Variants in MICU3 observed in about 807,000 individuals in gnomAD.
The protein encoded by MICU3 is mitochondrial calcium uptake 3.
In MICU3, 62 loss-of-function variants were observed where a neutral mutation model predicts 66.5. That is an observed-to-expected ratio of 0.93 (90% CI 0.76 to 1.15). The LOEUF is 1.15. Among genes scored for constraint, MICU3 ranks in the 50% most tolerant of loss-of-function variants. The pLI is 0.00. For synonymous variants in MICU3, 308 were observed against 240.7 expected (o/e 1.28, Z -2.59); for missense variants, 779 against 664.4 (o/e 1.17, Z -1.90).
intron 7 of MICU3, among the ~76,000 whole-genome samples, chr8:17,089,742 G>A (rs148614494): frequency 6.6e-6 from 1 of 152,096 alleles, no homozygotes; most frequent in African/African-American, 2.4e-5. Context: ...ATGACCACAT[G>A]TGATTGGTAT....
chr8:17,036,801 C>G (rs1349260828), intron 1 of MICU3, among the ~76,000 whole-genome samples: 7 of 152,222 alleles, frequency 4.6e-5, no homozygotes, highest in Admixed American at 4.6e-4. Context: ...CCTGCCAGTC[C>G]CGCGCCGTGC....
At chr8:17,115,519 C>A (rs772850986) in intron 12 of MICU3, among the ~76,000 whole-genome samples, 8 of 152,060 alleles carry the variant, frequency 5.3e-5, no homozygotes, top group Non-Finnish European at 1.2e-4. Flanking sequence ...GATGGTGTCA[C>A]CTGTCTTGCA....
At chr8:17,027,766 G>A (rs1425196572) in intron 1 of MICU3, 106 bp downstream of exon 1, 3 of 1,218,562 alleles carry the variant, frequency 2.5e-6, no homozygotes, top group Non-Finnish European at 2.1e-6. Flanking sequence ...GTGGCCGCGG[G>A]TGAGGAACTT....
Position 17,116,656 on chromosome 8 carries a change from A to T in MICU3, c.1524+56A>T, listed in dbSNP as rs991419385. On this transcript the variant is annotated intron_variant, in intron 13 of 14. Transcript: ENST00000318063. ...TCCTTTTTAAAGTCTGAGGGAAATCAATCCATCTAAGTTGAGAAATAATTT... is the reference window on the plus strand; with the variant it reads ...TCCTTTTTAAAGTCTGAGGGAAATCTATCCATCTAAGTTGAGAAATAATTT... The T allele has an allele frequency of 4.6e-5, 56 of 1,229,178 alleles. No homozygotes were observed. The Admixed American group carries it at 4.9e-4, about 11-fold the overall frequency. The allele number at this position is 1,229,178 out of a possible 1,614,324, so 76.1% of individuals were successfully genotyped here. A position where few individuals can be genotyped will look rare whatever the true frequency, so the allele number is the denominator to read the frequency against.
chr8:17,036,563 T>C (rs1341364202), intron 1 of MICU3, among the ~76,000 whole-genome samples: 1 of 151,894 alleles, frequency 6.6e-6, no homozygotes, highest in Non-Finnish European at 1.5e-5. Flanking sequence ...CCCCATCAGA[T>C]TAGTTAGATA....
intron 1 of MICU3, among the ~76,000 whole-genome samples, chr8:17,058,721 G>A (rs1009365408): frequency 5.3e-5 from 8 of 152,180 alleles, no homozygotes; most frequent in African/African-American, 1.9e-4. Context: ...AGTATACTCA[G>A]CAGAACTTCA....
intron 8 of MICU3, among the ~76,000 whole-genome samples, chr8:17,090,985 A>T (rs1222475568): frequency 6.6e-6 from 1 of 152,068 alleles, no homozygotes; most frequent in Non-Finnish European, 1.5e-5. Context: ...TTCAATTCTA[A>T]TAAGTGTCTT....
In MICU3 at chr8:17,105,466, C is replaced by T. The variant is rs1399223039; in HGVS notation, c.1139C>T (p.Ser380Leu). The T allele has an allele frequency of 6.3e-7, 1 of 1,575,500 alleles. No individual in the cohort carries two copies. ...EVLEIEFLSY[S>L]NGMNTISEED... ...CTAGAAATAGAATTCCTTTCCTACTCAAATGGAATGAATACCATCAGTGAA... is the reference window on the plus strand; with the variant it reads ...CTAGAAATAGAATTCCTTTCCTACTTAAATGGAATGAATACCATCAGTGAA... Residue 380 changes from serine (S) to leucine (L), a missense_variant, in exon 11 of 15, where the codon TCA (serine) becomes TTA (leucine). Transcript: ENST00000318063.
intron 1 of MICU3, among the ~76,000 whole-genome samples, chr8:17,053,598 A>T (rs1816451913): frequency 1.3e-5 from 2 of 152,192 alleles, no homozygotes; most frequent in Non-Finnish European, 2.9e-5. Context: ...GAGGTAATTT[A>T]AAAATGAAAC....
At chr8:17,091,697 T>G (rs1039625770) in intron 8 of MICU3, among the ~76,000 whole-genome samples, 2 of 152,108 alleles carry the variant, frequency 1.3e-5, no homozygotes, top group African/African-American at 4.8e-5. Flanking sequence ...CAAGATACTT[T>G]AAATTTTTTC....
At chr8:17,101,583 C>T (rs1385805899) in intron 9 of MICU3, among the ~76,000 whole-genome samples, 7 of 151,684 alleles carry the variant, frequency 4.6e-5, no homozygotes, top group Admixed American at 6.6e-5. Flanking sequence ...AAAAACTGGC[C>T]GAATGAGGTC....
intron 7 of MICU3, among the ~76,000 whole-genome samples, chr8:17,088,455 A>G (rs948988395): frequency 5.3e-5 from 8 of 152,014 alleles, no homozygotes; most frequent in Non-Finnish European, 1.5e-5. Context: ...TAAATAATAT[A>G]CTAAATGAGT....
At chr8:17,061,470 G>T (rs1321638372) in intron 1 of MICU3, among the ~76,000 whole-genome samples, 1 of 152,120 alleles carries the variant, frequency 6.6e-6, no homozygotes, top group Admixed American at 6.5e-5. Context: ...AGAAAGTTTG[G>T]TGAGAAAACA....
At chr8:17,093,906 A>T (rs1391243582) in intron 8 of MICU3, among the ~76,000 whole-genome samples, 1 of 152,010 alleles carries the variant, frequency 6.6e-6, no homozygotes, top group Non-Finnish European at 1.5e-5. Flanking sequence ...GTAAATATAC[A>T]ATAAAATAAA....
the MICU3 span, among the ~76,000 whole-genome samples, chr8:17,137,814 T>G: frequency 6.8e-6 from 1 of 146,388 alleles, no homozygotes; most frequent in Non-Finnish European, 1.5e-5. Context: ...ATTCCCAGAT[T>G]CAAGCAGTTC....
intron 14 of MICU3, 104 bp downstream of exon 14, chr8:17,118,879 C>A (rs1218596568): frequency 3.0e-6 from 2 of 656,422 alleles, no homozygotes; most frequent in Non-Finnish European, 4.8e-6. Context: ...ATAGAATTAT[C>A]TAATTTATTT....
intron 11 of MICU3, among the ~76,000 whole-genome samples, chr8:17,112,783 C>G (rs76068614): frequency 0.071 from 10,815 of 152,226 alleles, 566 homozygotes; most frequent in East Asian, 0.24. Flanking sequence ...CTAACAGTAG[C>G]CTGTCACTCA....
intron 11 of MICU3, among the ~76,000 whole-genome samples, chr8:17,109,963 T>G (rs1032622237): frequency 6.6e-6 from 1 of 152,114 alleles, no homozygotes; most frequent in Admixed American, 6.5e-5. Flanking sequence ...AATTTTGGAG[T>G]TTGGATTTAT....
chr8:17,047,782 A>G (rs955840157), intron 1 of MICU3, among the ~76,000 whole-genome samples: 1 of 152,252 alleles, frequency 6.6e-6, no homozygotes, highest in African/African-American at 2.4e-5. Context: ...GTTTACCAGT[A>G]TCAGATCATC....
Sources: gnomAD v4.1 joint callset for allele counts (sites outside exome capture counted in the v4.1 genomes callset) on GRCh38, gnomAD v4.1.1 for gene constraint, MANE v1.5 for transcripts, NCBI Gene and HGNC (gene_info 2026-07-23, HGNC 2026-07-21) for gene names.